The following PTPRD variants were observed in gnomAD, a reference collection of about 807,000 sequenced individuals.
PTPRD encodes receptor-type tyrosine-protein phosphatase delta.
In PTPRD, 34 loss-of-function variants were observed where a neutral mutation model predicts 214.5. That is an observed-to-expected ratio of 0.16 (90% CI 0.12 to 0.21). PTPRD has a LOEUF of 0.21. PTPRD is among the 10% of genes least tolerant of loss of function. PTPRD has a pLI of 1.00. For synonymous variants in PTPRD, 1,128 were observed against 845.7 expected, an observed-to-expected ratio of 1.33 and a Z score of -5.79; for missense variants, 2,545 against 2,398.7, an observed-to-expected ratio of 1.06 and a Z score of -1.27.
At position 9,130,041 on chromosome 9, in the gene PTPRD, T is replaced by C. The variant is rs182877095; in HGVS notation, c.-143+53263A>G. On this transcript the variant is annotated intron_variant, in intron 10 of 45. Transcript: ENST00000381196. ...TATAATAGGCTCTTAATGTTATACA[T>C]TGCTATCATTTTAATTATTAAGATA... 4.6e-3 allele frequency among the ~76,000 whole-genome samples: 699 copies of C among 152,256 alleles called. 2 individuals are homozygous for C. The highest frequency in any genetic ancestry group is 0.016 in the African/African-American group (667 of 41,570).
chr9:10,129,596 A>G (rs1381759441), intron 3 of PTPRD, among the ~76,000 whole-genome samples: 1 of 151,554 alleles, frequency 6.6e-6, no homozygotes, highest in African/African-American at 2.4e-5. Context: ...TCAGTTGCCA[A>G]ATAAATGCTA....
intron 4 of PTPRD, among the ~76,000 whole-genome samples, chr9:9,977,340 A>G (rs528099194): frequency 1.3e-5 from 2 of 152,328 alleles, no homozygotes; most frequent in East Asian, 3.9e-4. Flanking sequence ...TCAAGGCCCT[A>G]TTGGCACCCT....
chr9:8,579,888 T>C (rs2092887092), intron 14 of PTPRD, among the ~76,000 whole-genome samples: 1 of 152,160 alleles, frequency 6.6e-6, no homozygotes, highest in Non-Finnish European at 1.5e-5. Context: ...GGAAGCCTGG[T>C]GACCAGGCTA....
intron 14 of PTPRD, among the ~76,000 whole-genome samples, chr9:8,629,569 G>A (rs2096178097): frequency 2.6e-5 from 4 of 151,750 alleles, no homozygotes. Context: ...GTCCTTAGTA[G>A]CATTCCACAA....
intron 3 of PTPRD, among the ~76,000 whole-genome samples, chr9:10,246,963 A>C (rs2092214313): frequency 6.6e-6 from 1 of 151,860 alleles, no homozygotes; most frequent in Admixed American, 6.6e-5. Flanking sequence ...AAAATGTCTT[A>C]AGGCAGTTAA....
intron 4 of PTPRD, among the ~76,000 whole-genome samples, chr9:9,962,866 T>A (rs999966708): frequency 6.6e-6 from 1 of 152,060 alleles, no homozygotes; most frequent in Non-Finnish European, 1.5e-5. Context: ...ATTTTCAAGT[T>A]GTAATGCACC....
At chr9:9,899,326 C>A (rs901695937) in intron 5 of PTPRD, among the ~76,000 whole-genome samples, 1 of 151,672 alleles carries the variant, frequency 6.6e-6, no homozygotes, top group Non-Finnish European at 1.5e-5. Context: ...GGATTAATAT[C>A]CAATAAATAA....
In PTPRD at chr9:9,955,007, C is replaced by T. The variant is rs189981430; in HGVS notation, c.-471-16397G>A. 5.1e-4 allele frequency among the ~76,000 whole-genome samples: 77 copies of T among 152,170 alleles called. No individual in the cohort carries two copies. The East Asian group carries it at 0.013, about 26-fold the overall frequency. ...ATTGTGCAAGAAATGTTAAAGGCCT[C>T]CCACTAAAAAATAAAGAGTACAGGT... On this transcript the variant is annotated intron_variant, in intron 4 of 45. Transcript: ENST00000381196.
chr9:9,166,572 T>G (rs147558343), intron 10 of PTPRD, among the ~76,000 whole-genome samples: 9 of 152,296 alleles, frequency 5.9e-5, no homozygotes, highest in African/African-American at 2.2e-4. Context: ...AGAGATGCCA[T>G]TAACATTCTC....
At chr9:9,700,117 G>A (rs2097464308) in intron 7 of PTPRD, among the ~76,000 whole-genome samples, 1 of 152,074 alleles carries the variant, frequency 6.6e-6, no homozygotes, top group African/African-American at 2.4e-5. Context: ...CAAAGGTACT[G>A]AACTATATAT....
chr9:8,800,012 C>T (rs2096539406), intron 11 of PTPRD, among the ~76,000 whole-genome samples: 1 of 151,798 alleles, frequency 6.6e-6, no homozygotes, highest in African/African-American at 2.4e-5. Context: ...AGATGATAAA[C>T]AAACATTCAT....
At chr9:9,305,728 G>C (rs1030012106) in intron 9 of PTPRD, among the ~76,000 whole-genome samples, 2 of 152,022 alleles carry the variant, frequency 1.3e-5, no homozygotes, top group Admixed American at 1.3e-4. Flanking sequence ...AGATAAATGA[G>C]AGAGAGAAAG....
chr9:8,339,091 G>T (rs1378114841), intron 42 of PTPRD, 44 bp from the exon 43 acceptor site: 4 of 1,569,038 alleles, frequency 2.5e-6, no homozygotes, highest in South Asian at 2.3e-5. Context: ...AAAGTATAAA[G>T]AACATTCTGT....
intron 2 of PTPRD, among the ~76,000 whole-genome samples, chr9:10,435,730 C>T (rs2098712794): frequency 6.6e-6 from 1 of 151,604 alleles, no homozygotes; most frequent in Non-Finnish European, 1.5e-5. Context: ...TTTTATTATC[C>T]TGTATAATTA....
intron 4 of PTPRD, among the ~76,000 whole-genome samples, chr9:10,023,398 T>C (rs1323799411): frequency 6.6e-6 from 1 of 152,156 alleles, no homozygotes; most frequent in Non-Finnish European, 1.5e-5. Flanking sequence ...AAGCAAGGAC[T>C]CCTGTCCGTC....
chr9:10,191,433 C>T (rs552312793), intron 3 of PTPRD, among the ~76,000 whole-genome samples: 1 of 151,970 alleles, frequency 6.6e-6, no homozygotes, highest in Admixed American at 6.6e-5. Flanking sequence ...GAGGCTAATG[C>T]TATTTTATGC....
chr9:10,018,924 A>G lies in PTPRD; in HGVS notation c.-472+14794T>C, dbSNP rs149861290. 7.9e-5 allele frequency among the ~76,000 whole-genome samples: 12 copies of G among 152,296 alleles called. No homozygotes were observed. The East Asian group carries it at 2.1e-3, about 27-fold the overall frequency. On this transcript the variant is annotated intron_variant, in intron 4 of 45. Coordinates refer to ENST00000381196, the MANE Select transcript of PTPRD (RefSeq NM_002839.4). ...GTATTTTTCTGCAAAAATATTTACA[A>G]ATGGGATCTAATTAAACTAAAGAGC...
intron 5 of PTPRD, among the ~76,000 whole-genome samples, chr9:9,849,748 G>A (rs1417102320): frequency 6.6e-6 from 1 of 152,086 alleles, no homozygotes; most frequent in Non-Finnish European, 1.5e-5. Flanking sequence ...TAATTTGAGT[G>A]GACTTTTGCA....
intron 2 of PTPRD, among the ~76,000 whole-genome samples, chr9:10,567,916 T>A (rs2066139473): frequency 6.6e-6 from 1 of 151,194 alleles, no homozygotes; most frequent in Non-Finnish European, 1.5e-5. Context: ...TATATCATTG[T>A]TTTATTTTTT....
Sources: gnomAD v4.1 joint callset for allele counts (sites outside exome capture counted in the v4.1 genomes callset) on GRCh38, gnomAD v4.1.1 for gene constraint, MANE v1.5 for transcripts, NCBI Gene and HGNC (gene_info 2026-07-23, HGNC 2026-07-21) for gene names.